GNG7: variants seen among roughly 807,000 people sequenced by gnomAD.
GNG7 encodes G protein subunit gamma 7, also known as guanine nucleotide-binding protein G(I)/G(S)/G(O) subunit gamma-7.
A neutral mutation model predicts 4.0 loss-of-function variants in GNG7; 1 was observed. The observed-to-expected ratio is 0.25, with a 90% CI of 0.09 to 1.18. The LOEUF (loss-of-function observed/expected upper bound fraction) is 1.18. GNG7 is among the 50% of genes most tolerant of loss of function. GNG7 has a pLI of 0.50. For missense variants in GNG7, 86 were observed against 91.9 expected, an observed-to-expected ratio of 0.94 and a Z score of 0.26; for synonymous variants, 34 against 36.9, an observed-to-expected ratio of 0.92 and a Z score of 0.29.
intron 1 of GNG7, among the ~76,000 whole-genome samples, chr19:2,662,416 G>A (rs1983205565): frequency 6.6e-6 from 1 of 152,054 alleles, no homozygotes; most frequent in East Asian, 1.9e-4. Context: ...CACAGGTTGA[G>A]GGCTAAATCC....
intron 3 of GNG7, among the ~76,000 whole-genome samples, chr19:2,531,630 G>T (rs1050975720): frequency 2.6e-5 from 4 of 151,274 alleles, no homozygotes; most frequent in Admixed American, 6.6e-5. Context: ...AATTAGCCAG[G>T]CTTGGTGGCA....
At chr19:2,624,985 A>G (rs1981980386) in intron 2 of GNG7, among the ~76,000 whole-genome samples, 1 of 152,178 alleles carries the variant, frequency 6.6e-6, no homozygotes, top group African/African-American at 2.4e-5. Flanking sequence ...GCCGGACCCC[A>G]GGCAGGGGTG....
intron 3 of GNG7, among the ~76,000 whole-genome samples, chr19:2,550,506 G>T (rs532556692): frequency 3.9e-5 from 6 of 152,156 alleles, no homozygotes; most frequent in Non-Finnish European, 8.8e-5. Flanking sequence ...GCGATTACAG[G>T]CAGGAGCCAC....
At chr19:2,612,021 C>T (rs1981583746) in intron 2 of GNG7, among the ~76,000 whole-genome samples, 1 of 151,842 alleles carries the variant, frequency 6.6e-6, no homozygotes, top group Non-Finnish European at 1.5e-5. Context: ...ACTACAGGCA[C>T]CCGCCACCAC....
In GNG7 at chr19:2,614,484, C is replaced by T. The variant is rs1016019250; in HGVS notation, c.-78+31740G>A. 1.3e-5 allele frequency among the ~76,000 whole-genome samples: 2 copies of T among 152,160 alleles called. No individual in the cohort carries two copies. The highest frequency in any genetic ancestry group is 4.8e-5 in the African/African-American group (2 of 41,424). On this transcript the variant is annotated intron_variant, in intron 2 of 4. Transcript: ENST00000382159. The surrounding 1 kb of genome is among the most constrained non-coding windows in gnomAD (Gnocchi z 6.0). Reference sequence around the variant, plus strand: ...CCAGCCCCTGGCACCCACACATCCCCTTCCTGCCTCTCTAGACTGGCCTGT... The same window carrying T: ...CCAGCCCCTGGCACCCACACATCCCTTTCCTGCCTCTCTAGACTGGCCTGT...
chr19:2,640,658 G>T (rs952016329), intron 2 of GNG7, among the ~76,000 whole-genome samples: 1 of 152,040 alleles, frequency 6.6e-6, no homozygotes, highest in Non-Finnish European at 1.5e-5. Context: ...ACAGGGTCTT[G>T]CCCTGTTGCC....
chr19:2,677,098 C>T (rs977599077), intron 1 of GNG7, among the ~76,000 whole-genome samples: 13 of 152,158 alleles, frequency 8.5e-5, no homozygotes, highest in Non-Finnish European at 1.9e-4. Flanking sequence ...CGCTTAATTA[C>T]ACTTGCATAT....
At chr19:2,657,202 T>C (rs935939509) in intron 1 of GNG7, among the ~76,000 whole-genome samples, 15 of 150,400 alleles carry the variant, frequency 1.0e-4, no homozygotes, top group Non-Finnish European at 2.2e-4. Flanking sequence ...GGTCTGGTGG[T>C]GCACACCTGT....
chr19:2,550,009 T>C (rs1192247327), intron 3 of GNG7, among the ~76,000 whole-genome samples: 1 of 152,228 alleles, frequency 6.6e-6, no homozygotes, highest in African/African-American at 2.4e-5. Flanking sequence ...GGCCAAATCC[T>C]GGGCTGCCCC....
intron 1 of GNG7, among the ~76,000 whole-genome samples, chr19:2,652,283 G>A (rs1001108092): frequency 3.3e-5 from 5 of 152,180 alleles, no homozygotes; most frequent in South Asian, 2.1e-4. Flanking sequence ...AAAACACTGC[G>A]TAATCCCACG....
At chr19:2,652,262 G>A (rs1469801981) in intron 1 of GNG7, among the ~76,000 whole-genome samples, 1 of 152,082 alleles carries the variant, frequency 6.6e-6, no homozygotes, top group Non-Finnish European at 1.5e-5. Flanking sequence ...TAGGCCAGAC[G>A]CTGAGAGAGA....
rs186785086 is a variant in GNG7, at chr19:2,560,115, T to C, written c.-77-4927A>G. On this transcript the variant is annotated intron_variant, in intron 2 of 4. Transcript: ENST00000382159. ...AGGGAACGCACGTCCATGACTCTAA[T>C]TTCTTGTCTCTCTCTGCGTGTCCAA... Among the ~76,000 whole-genome samples the C allele has an allele frequency of 5.0e-3, 755 of 151,442 alleles. 7 individuals carry two copies. The highest frequency in any genetic ancestry group is 0.018 in the African/African-American group (730 of 41,358).
chr19:2,657,760 T>C (rs1983034481), intron 1 of GNG7, among the ~76,000 whole-genome samples: 1 of 152,166 alleles, frequency 6.6e-6, no homozygotes, highest in Non-Finnish European at 1.5e-5. Context: ...CAACGTTCCC[T>C]ATGGGCAGCA....
At position 2,659,592 on chromosome 19, in the gene GNG7, T is replaced by TAAAAAAAAAAAA. The variant is rs879035849; in HGVS notation, c.-134-13324_-134-13313dup. ...GAAATAGAGGAGTGAGACTCCATCT[T>TAAAAAAAAAAAA]AAAAAAAAAAAAAAAAAAAGAGAGG... On this transcript the variant is annotated intron_variant, in intron 1 of 4. Transcript: ENST00000382159. 1.4e-4 allele frequency among the ~76,000 whole-genome samples: 6 copies of TAAAAAAAAAAAA among 43,468 alleles called. 1 individual carries two copies. Among genetic ancestry groups the TAAAAAAAAAAAA allele is most frequent in the African/African-American group, 5.4e-4 (5 of 9,344 alleles). 28.5% of individuals were successfully genotyped at this position (43,468 alleles called of 152,430 possible).
At chr19:2,565,745 C>T (rs926811558) in intron 2 of GNG7, among the ~76,000 whole-genome samples, 13 of 152,268 alleles carry the variant, frequency 8.5e-5, no homozygotes, top group African/African-American at 2.6e-4. Flanking sequence ...TGACAGTTAC[C>T]GGCAGCTCAG....
At chr19:2,664,402 G>A (rs1983252621) in intron 1 of GNG7, among the ~76,000 whole-genome samples, 2 of 152,214 alleles carry the variant, frequency 1.3e-5, no homozygotes, top group Non-Finnish European at 1.5e-5. Context: ...CAGGGGAGGT[G>A]CCGGGACTGG....
chr19:2,693,383 T>C (rs1913176274), intron 1 of GNG7, among the ~76,000 whole-genome samples: 1 of 136,698 alleles, frequency 7.3e-6, no homozygotes, highest in Non-Finnish European at 1.5e-5. Flanking sequence ...ACCACTGTAC[T>C]CCAGCCTGGG....
intron 2 of GNG7, among the ~76,000 whole-genome samples, chr19:2,616,550 G>A (rs1393972965): frequency 6.6e-6 from 1 of 152,170 alleles, no homozygotes. Context: ...GCCAAAGCGA[G>A]CGGATCACCT....
At position 2,689,620 on chromosome 19, in the gene GNG7, C is replaced by T. The variant is rs1171127375; in HGVS notation, c.-135+13026G>A. The stretch of plus-strand genomic sequence containing the variant: ...CCTGGGCTACAGAGTGAGACTCCAA[C>T]TCAAAAAAAAAAAAAAAAAAAAAAA... On this transcript the variant is annotated intron_variant, in intron 1 of 4. Coordinates refer to ENST00000382159, the MANE Select transcript of GNG7 (RefSeq NM_052847.3). Among the ~76,000 whole-genome samples, 5 of 65,910 alleles carry T rather than the reference C, an allele frequency of 7.6e-5. No individual in the cohort carries two copies. The East Asian group carries it at 2.4e-3, about 31-fold the overall frequency. The allele number at this position is 65,910 out of a possible 152,430, so 43.2% of individuals were successfully genotyped here.
Sources: allele counts gnomAD v4.1 joint callset (sites outside exome capture counted in the v4.1 genomes callset), GRCh38; gene constraint gnomAD v4.1.1; non-coding constraint Gnocchi (gnomAD v3.1); transcripts MANE v1.5; gene names NCBI Gene and HGNC (gene_info 2026-07-23, HGNC 2026-07-21).